ZNF804B: variants seen among roughly 807,000 people sequenced by gnomAD.
The protein encoded by ZNF804B is zinc finger protein 804B.
A neutral mutation model predicts 101.4 loss-of-function variants in ZNF804B; 80 were observed. The ratio of observed to expected loss-of-function variants is 0.79; its 90% CI spans 0.66 to 0.95. The LOEUF (loss-of-function observed/expected upper bound fraction) is 0.95, where lower values mean the gene tolerates loss of function less well. ZNF804B is among the 40% of genes least tolerant of loss of function. The pLI is 0.00. For missense variants in ZNF804B, 1,673 were observed against 1,561.9 expected, an observed-to-expected ratio of 1.07 and a Z score of -1.20; for synonymous variants, 622 against 558.8, an observed-to-expected ratio of 1.11 and a Z score of -1.59.
intron 1 of ZNF804B, among the ~76,000 whole-genome samples, chr7:88,832,334 AAC>A (rs1283513767): frequency 6.6e-6 from 1 of 152,020 alleles, no homozygotes; most frequent in Non-Finnish European, 1.5e-5. Flanking sequence ...TATACCTTAA[AAC>A]ACATACTGAA....
At chr7:89,316,016 T>A (rs746531269) in intron 2 of ZNF804B, among the ~76,000 whole-genome samples, 1 of 152,206 alleles carries the variant, frequency 6.6e-6, no homozygotes, top group East Asian at 1.9e-4. Context: ...TGTGTGTGTG[T>A]CTGTGTATGC....
chr7:88,836,620 A>G (rs1175735742), intron 1 of ZNF804B, among the ~76,000 whole-genome samples: 1 of 152,012 alleles, frequency 6.6e-6, no homozygotes, highest in Non-Finnish European at 1.5e-5. Context: ...ATAAATATAT[A>G]AAAATGTATA....
chr7:89,209,224 A>T (rs1312279937), intron 1 of ZNF804B, among the ~76,000 whole-genome samples: 1 of 147,928 alleles, frequency 6.8e-6, no homozygotes, highest in East Asian at 2.0e-4. Context: ...TCCCTAGGGA[A>T]CGCCACCGAG....
chr7:88,960,370 C>T (rs962980993), intron 1 of ZNF804B, among the ~76,000 whole-genome samples: 84 of 151,280 alleles, frequency 5.6e-4, no homozygotes, highest in African/African-American at 2.0e-3. Context: ...AATGTGGCAG[C>T]ACCAGTGGTG....
intron 1 of ZNF804B, among the ~76,000 whole-genome samples, chr7:89,208,584 A>C (rs1490412649): frequency 7.8e-6 from 1 of 128,954 alleles, no homozygotes. Context: ...ATTCACCTGC[A>C]CTTCCTTATT....
Position 89,335,042 on chromosome 7 carries a change from A to C in ZNF804B, c.2060A>C (p.Lys687Thr). 1 of 1,613,880 alleles carries C rather than the reference A, an allele frequency of 6.2e-7. No homozygotes were observed. The highest frequency in any genetic ancestry group is 8.5e-7 in the Non-Finnish European group (1 of 1,179,924). ...AGTAACCACATCAGCATGACCAGCA[A>C]GGTTTCCGGATGTGGAAACCAAAGA... ...LKSNHISMTS[K>T]VSGCGNQRYK... Residue 687 changes from lysine to threonine, a missense_variant, in exon 4 of 4, where the codon AAG (lysine) becomes ACG (threonine). Physicochemically the swap from Lys to Thr is moderately conservative, Grantham distance 78 (BLOSUM62 -1). Coordinates refer to ENST00000333190, the MANE Select transcript of ZNF804B (RefSeq NM_181646.5).
Position 89,212,493 on chromosome 7 carries a change from C to A in ZNF804B, c.109-5662C>A, listed in dbSNP as rs1436454549. ...ATAAACTTATAGACTAAATTTCAAA[C>A]AATTGTCTTAGACTTCAGGCTTAAA... On this transcript the variant is annotated intron_variant, in intron 1 of 3. Transcript: ENST00000333190. Among the ~76,000 whole-genome samples, 5 of 152,198 alleles carry A rather than the reference C, an allele frequency of 3.3e-5. No homozygotes were observed. In the East Asian group the frequency reaches 9.6e-4, roughly 29 times the overall value.
chr7:89,112,803 A>G (rs1790241459), intron 1 of ZNF804B, among the ~76,000 whole-genome samples: 1 of 152,178 alleles, frequency 6.6e-6, no homozygotes, highest in African/African-American at 2.4e-5. Flanking sequence ...TATACCTCAA[A>G]TTAGGACAAC....
intron 1 of ZNF804B, among the ~76,000 whole-genome samples, chr7:89,009,432 C>T (rs192965443): frequency 2.1e-4 from 32 of 152,208 alleles, no homozygotes; most frequent in African/African-American, 7.0e-4. Flanking sequence ...AATTTAATAC[C>T]TGTCAAATTG....
chr7:89,273,104 A>G (rs1282634633), intron 2 of ZNF804B, among the ~76,000 whole-genome samples: 2 of 152,186 alleles, frequency 1.3e-5, no homozygotes, highest in South Asian at 2.1e-4. Flanking sequence ...ATCAATTTTT[A>G]TAACAAACCT....
At chr7:88,953,581 T>G (rs565509402) in intron 1 of ZNF804B, among the ~76,000 whole-genome samples, 62 of 151,930 alleles carry the variant, frequency 4.1e-4, no homozygotes, top group Non-Finnish European at 7.7e-4. Context: ...CTTCATTGTT[T>G]AGATAATTTT....
At position 89,337,004 on chromosome 7, in the gene ZNF804B, C is replaced by A; in HGVS notation, c.4022C>A (p.Ala1341Asp). 1.2e-6 allele frequency: 2 copies of A among 1,613,920 alleles called. No individual in the cohort carries two copies. Among genetic ancestry groups the A allele is most frequent in the Non-Finnish European group, 1.7e-6 (2 of 1,179,924 alleles). Residue 1341 changes from alanine (A) to aspartate (D), a missense_variant, in exon 4 of 4, where the codon GCC becomes GAC. Transcript: ENST00000333190. ...QMQQLNEVKE[A>D]LNVSTHLN ...CAACAGCTAAATGAAGTGAAAGAGG[C>A]CTTAAATGTGTCCACACACTTGAAC...
chr7:88,893,936 ACATCATGGAAAATTAGATAAAT>A (rs1251678925), intron 1 of ZNF804B, among the ~76,000 whole-genome samples: 3 of 152,182 alleles, frequency 2.0e-5, no homozygotes, highest in Non-Finnish European at 4.4e-5. Flanking sequence ...AAATAAGGAA[ACATCATGGAAAATTAGATAAAT>A]TTATTATTAG....
At chr7:89,127,060 C>G (rs1185502491) in intron 1 of ZNF804B, among the ~76,000 whole-genome samples, 1 of 151,890 alleles carries the variant, frequency 6.6e-6, no homozygotes, top group Non-Finnish European at 1.5e-5. Flanking sequence ...CCAACTGTAC[C>G]TGATCATTTC....
At position 89,040,504 on chromosome 7, in the gene ZNF804B, T is replaced by C. The variant is rs138613788; in HGVS notation, c.109-177651T>C. Among the ~76,000 whole-genome samples the C allele has an allele frequency of 2.5e-3, 374 of 152,316 alleles. 2 individuals carry two copies. Among genetic ancestry groups the C allele is most frequent in the African/African-American group, 8.9e-3 (369 of 41,574 alleles). ...CCCTTTCTTAAAACTCTGATTTCAT[T>C]GATACATTGTTTTCTTATTTTTGGT... is the stretch of plus-strand genomic sequence containing the variant. On this transcript the variant is annotated intron_variant, in intron 1 of 3. Transcript: ENST00000333190.
At chr7:89,241,625 A>G (rs1789373014) in intron 2 of ZNF804B, among the ~76,000 whole-genome samples, 1 of 152,086 alleles carries the variant, frequency 6.6e-6, no homozygotes. Context: ...TCTCCCAAAT[A>G]TAATTTTGCT....
intron 1 of ZNF804B, among the ~76,000 whole-genome samples, chr7:88,914,503 G>A (rs1448698147): frequency 6.6e-6 from 1 of 152,128 alleles, no homozygotes; most frequent in East Asian, 1.9e-4. Context: ...AGCAGTGCCT[G>A]ATCATTCCCT....
At chr7:88,983,833 G>A (rs1793724166) in intron 1 of ZNF804B, among the ~76,000 whole-genome samples, 1 of 152,018 alleles carries the variant, frequency 6.6e-6, no homozygotes, top group Non-Finnish European at 1.5e-5. Flanking sequence ...AGGGGTCCCT[G>A]AAGTGTGTCT....
At chr7:89,124,586 A>G (rs555042423) in intron 1 of ZNF804B, among the ~76,000 whole-genome samples, 1 of 152,294 alleles carries the variant, frequency 6.6e-6, no homozygotes, top group Admixed American at 6.5e-5. Flanking sequence ...AACTGAGAAC[A>G]TTGAGGCTTA....
Sources: allele counts gnomAD v4.1 joint callset (sites outside exome capture counted in the v4.1 genomes callset), GRCh38; gene constraint gnomAD v4.1.1; transcripts MANE v1.5; gene names NCBI Gene and HGNC (gene_info 2026-07-23, HGNC 2026-07-21).